The following TGM6 variants were observed in gnomAD, a reference collection of about 807,000 sequenced individuals.
TGM6 encodes the protein transglutaminase 6.
Under a neutral mutation model 77.5 loss-of-function variants are expected in TGM6, and 74 were observed. The observed-to-expected ratio is 0.96, with a 90% CI of 0.79 to 1.16. TGM6 has a LOEUF of 1.16. TGM6 is among the 50% of genes most tolerant of loss of function. The probability of loss-of-function intolerance (pLI) is 0.00; values close to 1 mark genes in which losing one functional copy is unlikely to be tolerated. For synonymous variants in TGM6, 383 were observed against 378.9 expected, an observed-to-expected ratio of 1.01 and a Z score of -0.12; for missense variants, 968 against 940.2, an observed-to-expected ratio of 1.03 and a Z score of -0.39.
chr20:2,419,721 C>T (rs1185830357), intron 10 of TGM6, among the ~76,000 whole-genome samples: 1 of 152,134 alleles, frequency 6.6e-6, no homozygotes, highest in Admixed American at 6.5e-5. Context: ...AAGCTCCTCA[C>T]AAACATCATT....
chr20:2,394,778 T>C (rs916199205), intron 2 of TGM6, among the ~76,000 whole-genome samples, 153 bp downstream of exon 2: 2 of 152,126 alleles, frequency 1.3e-5, no homozygotes, highest in Non-Finnish European at 2.9e-5. Flanking sequence ...AGGCTTCTGG[T>C]GGCAGCTTTC....
intron 7 of TGM6, among the ~76,000 whole-genome samples, 154 bp downstream of exon 7, chr20:2,400,598 G>C (rs916448238): frequency 6.6e-6 from 1 of 152,120 alleles, no homozygotes; most frequent in Non-Finnish European, 1.5e-5. Context: ...GGCGCCCTGC[G>C]GATAGTGGTG....
chr20:2,415,109 G>A (rs1191825534), intron 9 of TGM6, among the ~76,000 whole-genome samples: 1 of 152,172 alleles, frequency 6.6e-6, no homozygotes, highest in Non-Finnish European at 1.5e-5. Flanking sequence ...GCCTCCATGA[G>A]AAGGTGGCAT....
chr20:2,398,462 C>A (rs912222384), intron 5 of TGM6, among the ~76,000 whole-genome samples: 2 of 152,106 alleles, frequency 1.3e-5, no homozygotes, highest in African/African-American at 2.4e-5. Flanking sequence ...GTGGCTGGAG[C>A]AGCTGGGACC....
At position 2,399,735 on chromosome 20, in the gene TGM6, A is replaced by G; in HGVS notation, c.847A>G (p.Thr283Ala). The G allele has an allele frequency of 6.2e-7, 1 of 1,613,514 alleles. No individual in the cohort carries two copies. The highest frequency in any genetic ancestry group is 8.5e-7 in the Non-Finnish European group (1 of 1,179,724). Residue 283 changes from threonine to alanine, a missense_variant, in exon 6 of 13, where the codon ACA becomes GCA. Thr to Ala is a moderately conservative substitution (Grantham distance 58). Transcript: ENST00000202625. ...CTGGGTCTTCGCCGGAGTCCTGTGC[A>G]CAGGTACCCTGGGAGAGAAGGGCCC... Reference protein sequence around the residue: ...QCWVFAGVLCTVLRCLGIATR... With the variant: ...QCWVFAGVLCAVLRCLGIATR...
chr20:2,387,052 G>A (rs1241427111), intron 1 of TGM6, among the ~76,000 whole-genome samples: 1 of 152,222 alleles, frequency 6.6e-6, no homozygotes, highest in Non-Finnish European at 1.5e-5. Context: ...TACAAATCCA[G>A]TGTGTCCTCA....
intron 9 of TGM6, among the ~76,000 whole-genome samples, chr20:2,411,115 T>G (rs1041353685): frequency 6.6e-6 from 1 of 152,214 alleles, no homozygotes. Flanking sequence ...CAACTCATTC[T>G]GTGAAGTCAG....
At chr20:2,414,502 A>G (rs2084802550) in intron 9 of TGM6, among the ~76,000 whole-genome samples, 1 of 152,204 alleles carries the variant, frequency 6.6e-6, no homozygotes, top group Admixed American at 6.5e-5. Flanking sequence ...AAACACTTTG[A>G]CAGTTTCTCA....
chr20:2,402,178 G>T (rs2084715112), intron 7 of TGM6, among the ~76,000 whole-genome samples: 1 of 152,110 alleles, frequency 6.6e-6, no homozygotes, highest in African/African-American at 2.4e-5. Flanking sequence ...GGAAGCGGAG[G>T]TTGCAGTAAG....
chr20:2,401,398 C>T (rs2084708222), intron 7 of TGM6, among the ~76,000 whole-genome samples: 1 of 152,208 alleles, frequency 6.6e-6, no homozygotes, highest in African/African-American at 2.4e-5. Context: ...GAGAGATGCT[C>T]TGCAGACACG....
intron 9 of TGM6, among the ~76,000 whole-genome samples, chr20:2,414,672 T>C (rs1474521855): frequency 6.6e-6 from 1 of 152,102 alleles, no homozygotes. Flanking sequence ...TACCCATCAA[T>C]AGATAAATAA....
At chr20:2,407,392 G>C (rs571244506) in intron 9 of TGM6, among the ~76,000 whole-genome samples, 1 of 152,232 alleles carries the variant, frequency 6.6e-6, no homozygotes, top group Non-Finnish European at 1.5e-5. Flanking sequence ...GCCAAGGTGG[G>C]CAGATCATCT....
intron 4 of TGM6, among the ~76,000 whole-genome samples, chr20:2,397,265 T>C (rs2084675633): frequency 6.6e-6 from 1 of 152,202 alleles, no homozygotes; most frequent in South Asian, 2.1e-4. Flanking sequence ...CGCACGGACG[T>C]GGGAAGTAGG....
rs199500014 is a variant in TGM6 at position 2,400,362 on chromosome 20, G to C, written c.907G>C (p.Asp303His). ...RVVSNFNSAH[D>H]TDQNLSVDKY... is the part of the protein sequence containing the mutation. The stretch of plus-strand genomic sequence containing the variant: ...CGTGTCCAACTTCAACTCAGCCCAC[G>C]ACACAGACCAGAACCTGAGTGTGGA... The change falls in exon 7 of 13, where the codon GAC becomes CAC. Residue 303 changes from aspartate to histidine, a missense_variant. Transcript: ENST00000202625. The C allele has an allele frequency of 6.2e-6, 10 of 1,614,064 alleles. No individual in the cohort carries two copies. The highest frequency in any genetic ancestry group is 1.1e-5 in the South Asian group (1 of 91,088).
intron 1 of TGM6, among the ~76,000 whole-genome samples, 191 bp from the exon 2 acceptor site, chr20:2,394,261 G>A (rs969162632): frequency 2.6e-5 from 4 of 152,108 alleles, no homozygotes; most frequent in Non-Finnish European, 4.4e-5. Context: ...GCCACTGCAC[G>A]CCAGCCTGGG....
chr20:2,402,939 C>T (rs1390118969), intron 7 of TGM6, among the ~76,000 whole-genome samples: 1 of 152,194 alleles, frequency 6.6e-6, no homozygotes, highest in Non-Finnish European at 1.5e-5. Flanking sequence ...TTGTTCCCTT[C>T]ACTCTTCCTA....
intron 10 of TGM6, among the ~76,000 whole-genome samples, chr20:2,423,926 G>A (rs1171014899): frequency 6.6e-6 from 1 of 152,180 alleles, no homozygotes; most frequent in East Asian, 1.9e-4. Flanking sequence ...TGAGTGACTA[G>A]GTGCATTGTC....
At chr20:2,381,687 G>C (rs750981583) in intron 1 of TGM6, among the ~76,000 whole-genome samples, 2 of 152,134 alleles carry the variant, frequency 1.3e-5, no homozygotes, top group East Asian at 3.9e-4. Flanking sequence ...GAGGCTGAAG[G>C]GGGTGGAATT....
intron 5 of TGM6, among the ~76,000 whole-genome samples, chr20:2,398,638 G>C (rs2084685256): frequency 6.6e-6 from 1 of 151,982 alleles, no homozygotes; most frequent in Non-Finnish European, 1.5e-5. Flanking sequence ...TAAGGTCTAG[G>C]CCTGGAAACT....
Sources: gnomAD v4.1 joint callset for allele counts (sites outside exome capture counted in the v4.1 genomes callset) on GRCh38, gnomAD v4.1.1 for gene constraint, MANE v1.5 for transcripts, NCBI Gene and HGNC (gene_info 2026-07-23, HGNC 2026-07-21) for gene names.